COL23A1: variants seen among roughly 807,000 people sequenced by gnomAD.
COL23A1 encodes collagen alpha-1(XXIII) chain.
A neutral mutation model predicts 99.3 loss-of-function variants in COL23A1; 97 were observed. That is an observed-to-expected ratio of 0.98 (90% CI 0.83 to 1.16). The LOEUF (loss-of-function observed/expected upper bound fraction) is 1.16, where lower values mean the gene tolerates loss of function less well. COL23A1 is among the 50% of genes most tolerant of loss of function. The pLI is 0.00. For synonymous variants in COL23A1, 320 were observed against 308.2 expected, an observed-to-expected ratio of 1.04 and a Z score of -0.40; for missense variants, 762 against 757.4, an observed-to-expected ratio of 1.01 and a Z score of -0.07.
intron 2 of COL23A1, among the ~76,000 whole-genome samples, chr5:178,448,544 C>G (rs545146041): frequency 6.6e-6 from 1 of 152,168 alleles, no homozygotes; most frequent in Admixed American, 6.5e-5. Flanking sequence ...ATTCCAAGAT[C>G]GAGGACCTAG....
intron 2 of COL23A1, among the ~76,000 whole-genome samples, chr5:178,321,824 G>C (rs985371728): frequency 6.7e-6 from 1 of 149,920 alleles, no homozygotes; most frequent in Non-Finnish European, 1.5e-5. Flanking sequence ...ATCATACTCT[G>C]TTGCATGGAT....
rs555273216 is a variant in COL23A1, at chr5:178,485,410, G to A, written c.361+75272C>T. ...GGATTGTTTGAGCCCAGGAGGTTGA[G>A]GCTACCGTGACCTAGGATTGCACCA... On this transcript the variant is annotated intron_variant, in intron 2 of 28. Transcript: ENST00000390654. Among the ~76,000 whole-genome samples, 8 of 152,074 alleles carry A rather than the reference G, an allele frequency of 5.3e-5. No individual in the cohort carries two copies. In the South Asian group the frequency reaches 1.7e-3, roughly 32 times the overall value.
intron 2 of COL23A1, among the ~76,000 whole-genome samples, chr5:178,385,621 G>A (rs771344310): frequency 3.3e-5 from 5 of 152,266 alleles, no homozygotes; most frequent in Middle Eastern, 6.8e-3. Context: ...CCCTTCCCCC[G>A]AAGCTTCCCA....
At chr5:178,342,259 C>T (rs1373625738) in intron 2 of COL23A1, among the ~76,000 whole-genome samples, 1 of 152,196 alleles carries the variant, frequency 6.6e-6, no homozygotes, top group African/African-American at 2.4e-5. Context: ...TGGGGACTGC[C>T]ATCTGGCCGG....
At chr5:178,500,997 A>G (rs1361157479) in intron 2 of COL23A1, among the ~76,000 whole-genome samples, 3 of 152,254 alleles carry the variant, frequency 2.0e-5, no homozygotes, top group Non-Finnish European at 4.4e-5. Flanking sequence ...CACAATACAT[A>G]AAGAACTCTT....
intron 2 of COL23A1, among the ~76,000 whole-genome samples, chr5:178,466,079 T>A (rs1198659251): frequency 6.6e-6 from 1 of 152,108 alleles, no homozygotes; most frequent in Non-Finnish European, 1.5e-5. Flanking sequence ...ATGAATCTCA[T>A]CTTGGGAGAC....
At chr5:178,332,656 G>A (rs1358260007) in intron 2 of COL23A1, among the ~76,000 whole-genome samples, 4 of 152,116 alleles carry the variant, frequency 2.6e-5, no homozygotes, top group African/African-American at 9.7e-5. Flanking sequence ...AAAATCACAA[G>A]GCAGCCCACT....
intron 2 of COL23A1, among the ~76,000 whole-genome samples, chr5:178,319,557 G>C (rs1759171927): frequency 6.6e-6 from 1 of 152,170 alleles, no homozygotes; most frequent in Non-Finnish European, 1.5e-5. Context: ...CAAGGCCTTT[G>C]GCAGGCACTT....
At chr5:178,522,656 A>C (rs541569073) in intron 2 of COL23A1, among the ~76,000 whole-genome samples, 1 of 152,174 alleles carries the variant, frequency 6.6e-6, no homozygotes, top group Non-Finnish European at 1.5e-5. Context: ...GACAACGGGG[A>C]CAGTGGTGGA....
intron 2 of COL23A1, among the ~76,000 whole-genome samples, chr5:178,358,304 G>A (rs964597079): frequency 4.1e-5 from 6 of 147,034 alleles, no homozygotes; most frequent in African/African-American, 1.5e-4. Context: ...ATGTATGTAT[G>A]TATGTGTGTG....
At chr5:178,370,446 T>C (rs1762737032) in intron 2 of COL23A1, among the ~76,000 whole-genome samples, 1 of 151,834 alleles carries the variant, frequency 6.6e-6, no homozygotes, top group Admixed American at 6.6e-5. Flanking sequence ...CTCACTGATA[T>C]GTGGAATCTA....
At chr5:178,358,714 T>A in intron 2 of COL23A1, among the ~76,000 whole-genome samples, 1 of 144,000 alleles carries the variant, frequency 6.9e-6, no homozygotes, top group South Asian at 2.2e-4. Context: ...TGTGTGTATG[T>A]GTGTATGTGT....
intron 2 of COL23A1, among the ~76,000 whole-genome samples, chr5:178,348,231 TC>T (rs1761101623): frequency 6.6e-6 from 1 of 152,142 alleles, no homozygotes; most frequent in African/African-American, 2.4e-5. Flanking sequence ...CAGCTCTGCC[TC>T]TTGCAGGGAC....
chr5:178,347,879 C>CAAAA lies in COL23A1; in HGVS notation c.362-40964_362-40961dup, dbSNP rs748111944. 5.5e-3 allele frequency among the ~76,000 whole-genome samples: 245 copies of CAAAA among 44,400 alleles called. 6 individuals carry two copies. The highest frequency in any genetic ancestry group is 0.019 in the African/African-American group (223 of 11,896). The allele number at this position is 44,400 out of a possible 152,430, so 29.1% of individuals were successfully genotyped here. A position where few individuals can be genotyped will look rare whatever the true frequency, so the allele number is the denominator to read the frequency against. ...CTGGTGACAGAGCAAGACTCTGTCT[C>CAAAA]AAAAAAAAAAAAAAAAAACCCAAAA... On this transcript the variant is annotated intron_variant, in intron 2 of 28. Coordinates refer to ENST00000390654, the MANE Select transcript of COL23A1 (RefSeq NM_173465.4).
rs200804030 is a variant in COL23A1 at position 178,249,194 on chromosome 5, G to A, written c.1072C>T (p.Gln358Ter). ...CCAGGCTCTCCTGGGTCTCCTTTCT[G>A]TCCTTTGGGGCCCTGAAAGCCATAA... is the stretch of plus-strand genomic sequence containing the variant. ...GIDGEKGPKG[Q>*]KGDPGEPGPA... Residue 358 changes from glutamine (Q) to a stop codon, truncating the protein, a stop_gained, in exon 19 of 29, where the codon CAG becomes TAG. Coordinates refer to ENST00000390654, the MANE Select transcript of COL23A1 (RefSeq NM_173465.4). LOFTEE classifies it high-confidence loss of function. The A allele has an allele frequency of 4.3e-5, 70 of 1,614,094 alleles. No individual in the cohort carries two copies. The highest frequency in any genetic ancestry group is 5.8e-5 in the Non-Finnish European group (69 of 1,180,022).
At chr5:178,282,625 C>A (rs897675017) in intron 5 of COL23A1, among the ~76,000 whole-genome samples, 28 of 152,328 alleles carry the variant, frequency 1.8e-4, no homozygotes, top group Non-Finnish European at 3.7e-4. Context: ...TCCTGTCACC[C>A]TCTGAGCTCA....
intron 7 of COL23A1, among the ~76,000 whole-genome samples, chr5:178,268,196 G>A (rs1307654142): frequency 6.6e-6 from 1 of 152,198 alleles, no homozygotes; most frequent in Non-Finnish European, 1.5e-5. Context: ...GCACACCTAG[G>A]CCTACTCTGG....
At chr5:178,360,497 G>C (rs181155427) in intron 2 of COL23A1, among the ~76,000 whole-genome samples, 1 of 152,156 alleles carries the variant, frequency 6.6e-6, no homozygotes, top group Non-Finnish European at 1.5e-5. Flanking sequence ...GGCTGCAGTC[G>C]TGCCTAGGGG....
intron 2 of COL23A1, among the ~76,000 whole-genome samples, chr5:178,473,461 A>ATTTTTTTTTTTT (rs58255875): frequency 1.1e-5 from 1 of 95,090 alleles, no homozygotes. Flanking sequence ...CATCCGGCTA[A>ATTTTTTTTTTTT]TTTTTTTTTT....
Sources: gnomAD v4.1 joint callset for allele counts (sites outside exome capture counted in the v4.1 genomes callset) on GRCh38, gnomAD v4.1.1 for gene constraint, MANE v1.5 for transcripts, NCBI Gene and HGNC (gene_info 2026-07-23, HGNC 2026-07-21) for gene names.